The following SCN7A variants were observed in gnomAD, a reference collection of about 807,000 sequenced individuals.
SCN7A encodes sodium channel protein type 7 subunit alpha.
SCN7A carries 138 observed loss-of-function variants against 155.2 expected under a neutral mutation model. The observed-to-expected ratio is 0.89, with a 90% CI of 0.77 to 1.02. SCN7A has a LOEUF of 1.02. Ranked by LOEUF, SCN7A falls within the 50% of genes least tolerant of loss-of-function variation. The probability of loss-of-function intolerance (pLI) is 0.00; values close to 1 mark genes in which losing one functional copy is unlikely to be tolerated. For missense variants in SCN7A, 2,058 were observed against 1,986.6 expected, an observed-to-expected ratio of 1.04 and a Z score of -0.68; for synonymous variants, 693 against 649.0, an observed-to-expected ratio of 1.07 and a Z score of -1.03.
intron 25 of SCN7A, among the ~76,000 whole-genome samples, chr2:166,408,134 T>C (rs1037202140): frequency 1.3e-5 from 2 of 152,022 alleles, no homozygotes; most frequent in African/African-American, 4.8e-5. Flanking sequence ...CTTTCTTTCT[T>C]TCCAATGTGA....
Position 166,416,887 on chromosome 2 carries a change from G to A in SCN7A, c.3234C>T (p.Asp1078=). 1.2e-6 allele frequency: 2 copies of A among 1,613,380 alleles called. No individual in the cohort carries two copies. The highest frequency in any genetic ancestry group is 2.2e-5 in the South Asian group (2 of 90,992). Residue 1078 remains aspartate, a synonymous_variant, in exon 21 of 26, where the codon GAC becomes GAT. Transcript: ENST00000643258. ...ATTCATAGAATCTGCCAGCAAATAA[G>A]TCTACTCCCATGATACTAAAAATCA... ...IWLIFSIMGV[D]LFAGRFYECI...
chr2:166,423,579 C>T, intron 18 of SCN7A, 147 bp from the exon 19 acceptor site: 1 of 826,132 alleles, frequency 1.2e-6, no homozygotes, highest in Non-Finnish European at 1.7e-6. Context: ...GTTCACTATG[C>T]TTGTACTTAT....
chr2:166,485,401 G>A (rs778402125), intron 2 of SCN7A, among the ~76,000 whole-genome samples: 3 of 152,120 alleles, frequency 2.0e-5, no homozygotes, highest in African/African-American at 4.8e-5. Flanking sequence ...CAACAGACAC[G>A]ATAGGATTAG....
chr2:166,444,278 C>T (rs1235898570), intron 13 of SCN7A, among the ~76,000 whole-genome samples: 2 of 152,148 alleles, frequency 1.3e-5, no homozygotes, highest in Non-Finnish European at 2.9e-5. Flanking sequence ...TGAAAAAGGA[C>T]TGGTGAATCT....
chr2:166,451,147 G>A (rs1412193870), intron 11 of SCN7A, among the ~76,000 whole-genome samples: 1 of 152,168 alleles, frequency 6.6e-6, no homozygotes, highest in Admixed American at 6.5e-5. Flanking sequence ...ACTGTCCAGG[G>A]TTGGGGAATG....
At chr2:166,477,747 T>A in intron 2 of SCN7A, 37 bp from the exon 3 acceptor site, 1 of 1,299,878 alleles carries the variant, frequency 7.7e-7, no homozygotes, top group Non-Finnish European at 1.0e-6. Flanking sequence ...GGTATACTAA[T>A]AAAACATAAA....
rs1703078673 is a variant in SCN7A at position 166,487,473 on chromosome 2, A to G, written c.-127-505T>C. On this transcript the variant is annotated intron_variant, in intron 1 of 25. Coordinates refer to ENST00000643258, the MANE Select transcript of SCN7A (RefSeq NM_002976.4). ...ATTTCTAGAGCACAGCCTGCCAGCA[A>G]TGCACTCAAGCTGTGGAGAGAGATT... is the stretch of plus-strand genomic sequence containing the variant. 2.0e-5 allele frequency among the ~76,000 whole-genome samples: 3 copies of G among 152,122 alleles called. No homozygotes were observed. In the South Asian group the frequency reaches 6.2e-4, roughly 32 times the overall value.
rs112493666 is a variant in SCN7A, at chr2:166,457,068, A to G, written c.1092T>C (p.Tyr364=). The G allele has an allele frequency of 6.2e-7, 1 of 1,603,866 alleles. No individual in the cohort carries two copies. The highest frequency in any genetic ancestry group is 1.3e-5 in the African/African-American group (1 of 74,730). ...YPEVLYHQIL[Y]ASGKVYMIFF... is the part of the protein sequence containing the mutation. ...ATATCATGTAGACCTTCCCAGAAGC[A>G]TAAAGTATCTAAGGAAAGGTAGAAA... is the stretch of plus-strand genomic sequence containing the variant. The change falls in exon 11 of 26, where the codon TAT becomes TAC. Residue 364 remains tyrosine (Y), a synonymous_variant. Coordinates refer to ENST00000643258, the MANE Select transcript of SCN7A (RefSeq NM_002976.4).
intron 20 of SCN7A, among the ~76,000 whole-genome samples, chr2:166,417,287 C>T (rs1490483751): frequency 7.2e-5 from 11 of 152,102 alleles, no homozygotes; most frequent in Admixed American, 7.2e-4. Context: ...TCCTGGCTAA[C>T]ATGGTGAAAC....
chr2:166,415,539 T>C (rs1919180), intron 21 of SCN7A, among the ~76,000 whole-genome samples: 86,922 of 151,838 alleles, frequency 0.57, 24,972 homozygotes, highest in Middle Eastern at 0.63. Flanking sequence ...TTTAAATGAG[T>C]CTAGTGTTGT....
intron 9 of SCN7A, among the ~76,000 whole-genome samples, chr2:166,463,888 T>C (rs1702466501): frequency 6.6e-6 from 1 of 151,980 alleles, no homozygotes; most frequent in Admixed American, 6.6e-5. Flanking sequence ...AAAACCCATC[T>C]CTACTACAAA....
chr2:166,440,437 A>G (rs1701935896), intron 15 of SCN7A: 1 of 152,150 alleles, frequency 6.6e-6, no homozygotes, highest in Non-Finnish European at 1.5e-5. Flanking sequence ...GGGAGTCTGC[A>G]TTTCTAACCA....
intron 21 of SCN7A, 136 bp downstream of exon 21, chr2:166,416,571 T>A: frequency 1.4e-6 from 1 of 732,220 alleles, no homozygotes; most frequent in Admixed American, 3.0e-5. Flanking sequence ...TAGTTGTATG[T>A]CCCATTACAT....
chr2:166,479,319 C>G (rs1378215553), intron 2 of SCN7A, among the ~76,000 whole-genome samples: 1 of 152,002 alleles, frequency 6.6e-6, no homozygotes, highest in Non-Finnish European at 1.5e-5. Flanking sequence ...CCATTCATTG[C>G]AAGAATCAGA....
chr2:166,472,248 A>C, intron 6 of SCN7A, 69 bp downstream of exon 6: 3 of 1,450,202 alleles, frequency 2.1e-6, no homozygotes, highest in Non-Finnish European at 2.8e-6. Flanking sequence ...TGCAGACGTC[A>C]ATTATTTTTT....
Position 166,465,360 on chromosome 2 carries a change from A to T in SCN7A, c.941+102T>A. On this transcript the variant is annotated intron_variant, in intron 9 of 25. Coordinates refer to ENST00000643258, the MANE Select transcript of SCN7A (RefSeq NM_002976.4). ...AGTATGGTTTTGATGATGAAATGAG[A>T]TAATACAATCAAATGGGAAGCAACA... The T allele has an allele frequency of 3.6e-6, 3 of 828,676 alleles. No homozygotes were observed. The South Asian group carries it at 5.0e-5, about 14-fold the overall frequency. 51.3% of individuals were successfully genotyped at this position (828,676 alleles called of 1,614,324 possible).
chr2:166,492,672 C>A (rs939924788), intron 1 of SCN7A, among the ~76,000 whole-genome samples: 3 of 152,288 alleles, frequency 2.0e-5, no homozygotes, highest in African/African-American at 7.2e-5. Flanking sequence ...CTAGTGCATT[C>A]TAGAGATGCA....
intron 11 of SCN7A, among the ~76,000 whole-genome samples, chr2:166,452,597 AT>A (rs1433889474): frequency 6.6e-6 from 1 of 152,172 alleles, no homozygotes; most frequent in Non-Finnish European, 1.5e-5. Context: ...TGTGGCAAAT[AT>A]TTTTTAAAAA....
chr2:166,424,035 A>C (rs1701567715), intron 18 of SCN7A, among the ~76,000 whole-genome samples: 1 of 152,116 alleles, frequency 6.6e-6, no homozygotes, highest in African/African-American at 2.4e-5. Context: ...TTAGCACTGA[A>C]AACAGGCAGG....
Sources: allele counts gnomAD v4.1 joint callset (sites outside exome capture counted in the v4.1 genomes callset), GRCh38; gene constraint gnomAD v4.1.1; transcripts MANE v1.5; gene names NCBI Gene and HGNC (gene_info 2026-07-23, HGNC 2026-07-21).